HIP1: variants seen among roughly 807,000 people sequenced by gnomAD.
The protein encoded by HIP1 is huntingtin interacting protein 1.
HIP1 carries 65 observed loss-of-function variants against 147.6 expected under a neutral mutation model. The observed-to-expected ratio is 0.44, with a 90% CI of 0.36 to 0.54. The LOEUF (loss-of-function observed/expected upper bound fraction) is 0.54, where lower values mean the gene tolerates loss of function less well. HIP1 is among the 20% of genes least tolerant of loss of function. HIP1 has a pLI of 0.00. For missense variants in HIP1, 1,061 were observed against 1,299.6 expected (o/e 0.82, Z 2.82); for synonymous variants, 479 against 504.0 (o/e 0.95, Z 0.67).
chr7:75,691,743 G>A (rs1392183933), intron 1 of HIP1, among the ~76,000 whole-genome samples: 3 of 151,498 alleles, frequency 2.0e-5, no homozygotes, highest in Non-Finnish European at 2.9e-5. Flanking sequence ...AGCTGAGATC[G>A]TGCCACTACA....
intron 30 of HIP1, among the ~76,000 whole-genome samples, chr7:75,538,675 C>T (rs915809234): frequency 1.3e-5 from 2 of 151,080 alleles, no homozygotes; most frequent in Non-Finnish European, 2.9e-5. Context: ...CCCGGGTTCA[C>T]GCCATTCTCC....
In HIP1 at chr7:75,673,318, C is replaced by T. The variant is rs28893172; in HGVS notation, c.120+65483G>A. Among the ~76,000 whole-genome samples, 906 of 152,136 alleles carry T rather than the reference C, an allele frequency of 6.0e-3. 11 individuals are homozygous for T. Among genetic ancestry groups the T allele is most frequent in the African/African-American group, 0.021 (869 of 41,520 alleles). ...GATTACAGGGGTGAACCACTGAGCC[C>T]GGCCTTGTTCTTCTTTTTCAAGACT... is the stretch of plus-strand genomic sequence containing the variant. On this transcript the variant is annotated intron_variant, in intron 1 of 30. Transcript: ENST00000336926.
intron 2 of HIP1, among the ~76,000 whole-genome samples, chr7:75,596,068 A>T (rs1204299070): frequency 6.6e-6 from 1 of 151,970 alleles, no homozygotes; most frequent in Admixed American, 6.6e-5. Flanking sequence ...GTGAGACCCC[A>T]TCTCTATAAA....
At chr7:75,712,259 C>T (rs746911398) in intron 1 of HIP1, among the ~76,000 whole-genome samples, 2 of 152,074 alleles carry the variant, frequency 1.3e-5, no homozygotes, top group Non-Finnish European at 2.9e-5. Flanking sequence ...ATATCTGTGC[C>T]GGGAAGCTAT....
At position 75,544,756 on chromosome 7, in the gene HIP1, T is replaced by C. The variant is rs587667022; in HGVS notation, c.2705A>G (p.Glu902Gly). 1 of 1,613,810 alleles carries C rather than the reference T, an allele frequency of 6.2e-7. No individual in the cohort carries two copies. The highest frequency in any genetic ancestry group is 2.2e-5 in the East Asian group (1 of 44,882). The change falls in exon 27 of 31, where the codon GAG (glutamate) becomes GGG (glycine). Residue 902 changes from glutamate to glycine, a missense_variant. This residue lies in a region of HIP1 where 810 missense variants were observed against 946.8 expected (regional missense o/e 0.86). Coordinates refer to ENST00000336926, the MANE Select transcript of HIP1 (RefSeq NM_005338.7). ...LVVQGRGKFE[E>G]LMVCSHEIAA... ...AATTTCATGAGAACACACCATTAGC[T>C]CCTCAAATTTCCCTCTGCCTTGTAC... is the stretch of plus-strand genomic sequence containing the variant.
chr7:75,558,347 G>A, intron 14 of HIP1, 92 bp from the exon 15 acceptor site: 1 of 976,882 alleles, frequency 1.0e-6, no homozygotes, highest in South Asian at 1.3e-5. Context: ...GGTCCTCCTT[G>A]TTTTGTTTTG....
intron 23 of HIP1, among the ~76,000 whole-genome samples, chr7:75,548,091 C>T (rs191650447): frequency 3.3e-5 from 5 of 151,982 alleles, no homozygotes; most frequent in East Asian, 2.0e-4. Context: ...GTGAGCGGTA[C>T]GATCTCGGCT....
intron 1 of HIP1, among the ~76,000 whole-genome samples, chr7:75,674,025 T>C (rs1464414173): frequency 6.6e-6 from 1 of 152,060 alleles, no homozygotes; most frequent in Non-Finnish European, 1.5e-5. Context: ...TAATGTTGTA[T>C]CCTGCAATTT....
intron 1 of HIP1, among the ~76,000 whole-genome samples, chr7:75,604,522 T>C (rs1198917104): frequency 6.6e-6 from 1 of 151,998 alleles, no homozygotes; most frequent in Non-Finnish European, 1.5e-5. Context: ...AAATATTAGC[T>C]GGGTATGGTG....
chr7:75,627,282 A>G (rs1798078785), intron 1 of HIP1, among the ~76,000 whole-genome samples: 1 of 152,212 alleles, frequency 6.6e-6, no homozygotes, highest in Non-Finnish European at 1.5e-5. Flanking sequence ...ATGAATGGTC[A>G]CTTTCTCCAC....
intron 1 of HIP1, among the ~76,000 whole-genome samples, chr7:75,664,241 A>G (rs1453651685): frequency 7.2e-6 from 1 of 138,068 alleles, no homozygotes; most frequent in Non-Finnish European, 1.6e-5. Context: ...GTATACATAC[A>G]CATACTATAT....
Position 75,604,857 on chromosome 7 carries a change from C to A in HIP1, c.121-5610G>T, listed in dbSNP as rs193162774. Among the ~76,000 whole-genome samples, 325 of 152,222 alleles carry A rather than the reference C, an allele frequency of 2.1e-3. 1 individual carries two copies. The highest frequency in any genetic ancestry group is 3.8e-3 in the Non-Finnish European group (261 of 68,010). ...ATTATGAACCTTGCTCACACACACA[C>A]GCAAAAATCTTATAGTAACAAATTT... On this transcript the variant is annotated intron_variant, in intron 1 of 30. Transcript: ENST00000336926.
At chr7:75,703,574 C>T (rs782704698) in intron 1 of HIP1, among the ~76,000 whole-genome samples, 6 of 150,700 alleles carry the variant, frequency 4.0e-5, no homozygotes, top group Non-Finnish European at 8.9e-5. Flanking sequence ...ACCTGGGAGG[C>T]GGAGACAACA....
intron 25 of HIP1, among the ~76,000 whole-genome samples, chr7:75,545,706 G>A (rs1033039195): frequency 1.1e-4 from 16 of 152,000 alleles, no homozygotes; most frequent in African/African-American, 2.9e-4. Context: ...AGCACTTTGC[G>A]AGGCCAAGGC....
intron 1 of HIP1, among the ~76,000 whole-genome samples, chr7:75,732,818 G>A (rs1005643974): frequency 6.6e-6 from 1 of 152,010 alleles, no homozygotes; most frequent in South Asian, 2.1e-4. Flanking sequence ...TGGTGAACAC[G>A]ACAAGTCCTG....
chr7:75,603,924 C>G (rs1269340667), intron 1 of HIP1, among the ~76,000 whole-genome samples: 1 of 151,992 alleles, frequency 6.6e-6, no homozygotes, highest in East Asian at 1.9e-4. Flanking sequence ...AAAGTTCATT[C>G]CCCTAAACCT....
At chr7:75,717,731 G>T (rs1203815226) in intron 1 of HIP1, among the ~76,000 whole-genome samples, 1 of 150,282 alleles carries the variant, frequency 6.7e-6, no homozygotes, top group Non-Finnish European at 1.5e-5. Flanking sequence ...AACACTTTGG[G>T]AGGCCGAGGT....
chr7:75,714,607 C>G (rs1227170766), intron 1 of HIP1, among the ~76,000 whole-genome samples: 2 of 151,882 alleles, frequency 1.3e-5, no homozygotes, highest in Non-Finnish European at 2.9e-5. Context: ...GGTGTGCCAC[C>G]ATGCCCGGCT....
chr7:75,568,237 C>A lies in HIP1; in HGVS notation c.765G>T (p.Leu255=), dbSNP rs1795482259. 2.5e-6 allele frequency: 4 copies of A among 1,613,164 alleles called. No homozygotes were observed. Among genetic ancestry groups the A allele is most frequent in the Non-Finnish European group, 2.5e-6 (3 of 1,179,228 alleles). Residue 255 remains leucine (L), a synonymous_variant, in exon 9 of 31, where the codon CTG becomes CTT. Transcript: ENST00000336926. The surrounding 1 kb of genome is among the most constrained non-coding windows in gnomAD (Gnocchi z 4.1). ...KLHSCLPADT[L]QGHRDRFMEQ... ...CCATGAAGCGGTCCCGGTGGCCTTG[C>A]AGGGTGTCAGCTGGGAGGCCTGGAA...
Sources: allele counts gnomAD v4.1 joint callset (sites outside exome capture counted in the v4.1 genomes callset), GRCh38; gene constraint gnomAD v4.1.1; regional missense constraint gnomAD v4.1.1; non-coding constraint Gnocchi (gnomAD v3.1); transcripts MANE v1.5; gene names NCBI Gene and HGNC (gene_info 2026-07-23, HGNC 2026-07-21).